CRYBG1: variants seen among roughly 807,000 people sequenced by gnomAD.
CRYBG1 encodes crystallin beta-gamma domain containing 1.
A neutral mutation model predicts 189.2 loss-of-function variants in CRYBG1; 139 were observed. The ratio of observed to expected loss-of-function variants is 0.73; its 90% confidence interval spans 0.64 to 0.85. CRYBG1 has a LOEUF of 0.85. Ranked by LOEUF, CRYBG1 falls within the 40% of genes least tolerant of loss-of-function variation. The pLI, the probability that CRYBG1 is intolerant of heterozygous loss-of-function variation, is 0.00. For synonymous variants in CRYBG1, 1,023 were observed against 1,017.1 expected (o/e 1.01, Z -0.11); for missense variants, 2,611 against 2,675.8 (o/e 0.98, Z 0.53).
At chr6:106,460,611 C>T (rs548319792) in intron 2 of CRYBG1, among the ~76,000 whole-genome samples, 1 of 152,222 alleles carries the variant, frequency 6.6e-6, no homozygotes, top group South Asian at 2.1e-4. Context: ...CCTGCCCTTA[C>T]TCTAGAGAGG....
intron 5 of CRYBG1, 22 bp from the exon 6 acceptor site, chr6:106,525,246 T>C (rs973989831): frequency 6.2e-7 from 1 of 1,611,196 alleles, no homozygotes; most frequent in Non-Finnish European, 8.5e-7. Context: ...CAAAGTGTGC[T>C]ACCACTTTCG....
At chr6:106,416,437 CTT>C (rs1483788936) in intron 1 of CRYBG1, among the ~76,000 whole-genome samples, 2 of 152,220 alleles carry the variant, frequency 1.3e-5, no homozygotes, top group South Asian at 2.1e-4. Flanking sequence ...CGATGGTACT[CTT>C]CAGTCTTTCA....
intron 1 of CRYBG1, among the ~76,000 whole-genome samples, chr6:106,391,929 G>A (rs59065158): frequency 2.4e-4 from 4 of 16,520 alleles, no homozygotes; most frequent in Non-Finnish European, 4.8e-4. Context: ...TGTTTAAAAC[G>A]TGTGTGTGTG....
intron 2 of CRYBG1, among the ~76,000 whole-genome samples, chr6:106,471,117 T>C (rs544032821): frequency 8.5e-5 from 13 of 152,300 alleles, no homozygotes; most frequent in South Asian, 2.1e-4. Context: ...CTGGAGGAGA[T>C]GGACTGTGGA....
At chr6:106,402,992 C>T (rs1222063144) in intron 1 of CRYBG1, among the ~76,000 whole-genome samples, 2 of 152,174 alleles carry the variant, frequency 1.3e-5, no homozygotes, top group African/African-American at 4.8e-5. Context: ...GTATCTAGAA[C>T]ATTAACGCAC....
At chr6:106,554,202 T>G (rs1774478259) in intron 16 of CRYBG1, among the ~76,000 whole-genome samples, 1 of 152,238 alleles carries the variant, frequency 6.6e-6, no homozygotes, top group South Asian at 2.1e-4. Flanking sequence ...GTTGAGGATT[T>G]AAGTCTCTTA....
intron 10 of CRYBG1, among the ~76,000 whole-genome samples, chr6:106,542,719 T>C (rs1400654465): frequency 6.6e-6 from 1 of 151,208 alleles, no homozygotes; most frequent in Non-Finnish European, 1.5e-5. Context: ...TGACGTGATC[T>C]CAGCTCACTT....
At chr6:106,568,317 C>T (rs1774952383) in intron 21 of CRYBG1, among the ~76,000 whole-genome samples, 155 bp from the exon 22 acceptor site, 1 of 152,222 alleles carries the variant, frequency 6.6e-6, no homozygotes, top group Admixed American at 6.5e-5. Context: ...CCCACAGGGG[C>T]CCAGGCTTCC....
chr6:106,415,723 C>G (rs1582750040), intron 1 of CRYBG1, among the ~76,000 whole-genome samples: 1 of 150,540 alleles, frequency 6.6e-6, no homozygotes, highest in East Asian at 1.9e-4. Context: ...GAGACCCTGT[C>G]TCAAAAAAAA....
At chr6:106,422,815 G>T (rs1364460243) in intron 1 of CRYBG1, among the ~76,000 whole-genome samples, 1 of 152,140 alleles carries the variant, frequency 6.6e-6, no homozygotes, top group East Asian at 1.9e-4. Flanking sequence ...GTCAACAGCT[G>T]GATAAGGAAG....
chr6:106,525,321 T>G lies in CRYBG1; in HGVS notation c.4347T>G (p.Ser1449Arg). 5 of 1,614,178 alleles carry G rather than the reference T, an allele frequency of 3.1e-6. No individual in the cohort carries two copies. The highest frequency in any genetic ancestry group is 2.5e-6 in the Non-Finnish European group (3 of 1,180,010). The change falls in exon 6 of 22, where the codon AGT (serine) becomes AGG (arginine). Residue 1449 changes from serine (S) to arginine (R), a missense_variant. Transcript: ENST00000633556. ...DVSEKCIEVF[S>R]DIQDCSSWSL... ...CTGAGAAGTGCATTGAAGTTTTCAG[T>G]GACATTCAGGATTGCAGTTCTTGGA... is the stretch of plus-strand genomic sequence containing the variant.
rs532611505 is a variant in CRYBG1, at chr6:106,403,103, C to A, written c.173+42022C>A. On this transcript the variant is annotated intron_variant, in intron 1 of 21. Coordinates refer to ENST00000633556, the MANE Select transcript of CRYBG1 (RefSeq NM_001371242.2). The stretch of plus-strand genomic sequence containing the variant: ...GTAATCACGCCTTGGGAGGCTAAGA[C>A]GGGGGAGGATTGCTTGAGGCCAGAA... Among the ~76,000 whole-genome samples the A allele has an allele frequency of 1.0e-3, 159 of 152,168 alleles. 1 individual carries two copies. Among genetic ancestry groups the A allele is most frequent in the African/African-American group, 3.3e-3 (138 of 41,520 alleles).
At chr6:106,386,348 G>A (rs888125874) in intron 1 of CRYBG1, among the ~76,000 whole-genome samples, 1 of 152,168 alleles carries the variant, frequency 6.6e-6, no homozygotes, top group Non-Finnish European at 1.5e-5. Context: ...TGAGACAAGT[G>A]CGTAGTGCAG....
intron 1 of CRYBG1, among the ~76,000 whole-genome samples, chr6:106,407,686 C>T (rs1469403769): frequency 1.3e-5 from 2 of 152,120 alleles, no homozygotes; most frequent in Non-Finnish European, 2.9e-5. Context: ...TCTCTCAGAC[C>T]ACAGTGCAAG....
At chr6:106,564,636 A>G (rs1774824248) in intron 21 of CRYBG1, among the ~76,000 whole-genome samples, 2 of 152,154 alleles carry the variant, frequency 1.3e-5, no homozygotes, top group Non-Finnish European at 2.9e-5. Context: ...TTTTCTAACA[A>G]GTTCCCAGGT....
chr6:106,560,179 T>C (rs1002512005), intron 18 of CRYBG1, among the ~76,000 whole-genome samples: 15 of 152,210 alleles, frequency 9.9e-5, no homozygotes, highest in Admixed American at 9.8e-4. Context: ...TATGATAAGA[T>C]GACTAAAATG....
chr6:106,517,082 T>C (rs1450483180), intron 3 of CRYBG1, among the ~76,000 whole-genome samples: 1 of 144,046 alleles, frequency 6.9e-6, no homozygotes, highest in Non-Finnish European at 1.5e-5. Context: ...TGACCATAGC[T>C]CACTGCAGCC....
rs142436345 is a variant in CRYBG1 at position 106,551,264 on chromosome 6, G to T, written c.5313-588G>T. ...ATATGTTCTTGCTCATAAATATTTGGTATTTGATTTTCTGTTTGTGTTAAT... is the reference window on the plus strand; with the variant it reads ...ATATGTTCTTGCTCATAAATATTTGTTATTTGATTTTCTGTTTGTGTTAAT... On this transcript the variant is annotated intron_variant, in intron 13 of 21. Coordinates refer to ENST00000633556, the MANE Select transcript of CRYBG1 (RefSeq NM_001371242.2). Among the ~76,000 whole-genome samples the T allele has an allele frequency of 9.2e-3, 1,399 of 152,178 alleles. 28 individuals are homozygous for T. The highest frequency in any genetic ancestry group is 0.032 in the African/African-American group (1,320 of 41,510).
Position 106,371,347 on chromosome 6 carries a change from T to G in CRYBG1, c.173+10266T>G, listed in dbSNP as rs1014062188. Among the ~76,000 whole-genome samples, 16 of 152,360 alleles carry G rather than the reference T, an allele frequency of 1.1e-4. No homozygotes were observed. The East Asian group carries it at 3.1e-3, about 29-fold the overall frequency. The stretch of plus-strand genomic sequence containing the variant: ...CTGAAATTCAATGTCTCCTTTATCA[T>G]GCATGTCATTACAAACCTAAGAACT... On this transcript the variant is annotated intron_variant, in intron 1 of 21. Transcript: ENST00000633556.
Sources: allele counts gnomAD v4.1 joint callset (sites outside exome capture counted in the v4.1 genomes callset), GRCh38; gene constraint gnomAD v4.1.1; transcripts MANE v1.5; gene names NCBI Gene and HGNC (gene_info 2026-07-23, HGNC 2026-07-21).